Variants in PDSS2 observed in about 807,000 individuals in gnomAD.
The protein encoded by PDSS2 is all trans-polyprenyl-diphosphate synthase PDSS2.
A neutral mutation model predicts 44.5 loss-of-function variants in PDSS2; 31 were observed. That is an observed-to-expected ratio of 0.70 (90% confidence interval 0.52 to 0.94). The LOEUF (loss-of-function observed/expected upper bound fraction) is 0.94, where lower values mean the gene tolerates loss of function less well. PDSS2 is among the 40% of genes least tolerant of loss of function. The pLI is 0.00. For synonymous variants in PDSS2, 157 were observed against 180.3 expected, an observed-to-expected ratio of 0.87 and a Z score of 1.03; for missense variants, 452 against 482.2, an observed-to-expected ratio of 0.94 and a Z score of 0.59.
chr6:107,335,385 C>T (rs571458543), intron 1 of PDSS2, among the ~76,000 whole-genome samples: 81 of 152,140 alleles, frequency 5.3e-4, no homozygotes, highest in Non-Finnish European at 9.9e-4. Flanking sequence ...TTGGTGATGA[C>T]GGTGGTAAAC....
intron 7 of PDSS2, among the ~76,000 whole-genome samples, chr6:107,177,903 C>T (rs1225452387): frequency 6.6e-6 from 1 of 152,140 alleles, no homozygotes; most frequent in East Asian, 1.9e-4. Flanking sequence ...AGAGCATTCA[C>T]ATCATGTAGG....
At chr6:107,245,418 C>CAAAAAAAAA (rs35614951) in intron 4 of PDSS2, 130 bp downstream of exon 4, 3 of 115,912 alleles carry the variant, frequency 2.6e-5, no homozygotes, top group African/African-American at 2.3e-4. Flanking sequence ...AAACACTAAT[C>CAAAAAAAAA]AAAAAAAAAA....
intron 4 of PDSS2, among the ~76,000 whole-genome samples, chr6:107,224,331 T>C (rs1773714940): frequency 1.3e-5 from 2 of 151,362 alleles, no homozygotes; most frequent in African/African-American, 4.9e-5. Flanking sequence ...AAAGGATATA[T>C]CATCCAATTC....
intron 1 of PDSS2, among the ~76,000 whole-genome samples, chr6:107,353,045 C>A (rs1452114254): frequency 6.6e-6 from 1 of 152,140 alleles, no homozygotes; most frequent in Admixed American, 6.5e-5. Context: ...TTACTATTAT[C>A]AGAATTACTA....
At chr6:107,337,897 A>T (rs1031457874) in intron 1 of PDSS2, among the ~76,000 whole-genome samples, 1 of 152,218 alleles carries the variant, frequency 6.6e-6, no homozygotes. Flanking sequence ...TGAAAAGGTC[A>T]GGAAAAGAAG....
chr6:107,176,435 C>CACACACACACAT (rs1771791549), intron 7 of PDSS2, among the ~76,000 whole-genome samples: 1 of 20,460 alleles, frequency 4.9e-5, no homozygotes, highest in Non-Finnish European at 1.2e-4. Flanking sequence ...CACATACACA[C>CACACACACACAT]ACACACACAC....
chr6:107,198,863 G>T (rs2114558087), intron 6 of PDSS2, among the ~76,000 whole-genome samples: 1 of 152,184 alleles, frequency 6.6e-6, no homozygotes, highest in South Asian at 2.1e-4. Flanking sequence ...AGGCATGGTG[G>T]CGCGCACCTG....
At chr6:107,454,445 G>A (rs1278216290) in intron 1 of PDSS2, among the ~76,000 whole-genome samples, 2 of 152,112 alleles carry the variant, frequency 1.3e-5, no homozygotes, top group Non-Finnish European at 2.9e-5. Context: ...AAATCTAGAT[G>A]AACAAGAGTA....
intron 1 of PDSS2, among the ~76,000 whole-genome samples, chr6:107,411,792 C>T (rs935038374): frequency 1.3e-5 from 2 of 151,592 alleles, no homozygotes; most frequent in African/African-American, 4.9e-5. Flanking sequence ...CGGAATTGAG[C>T]ATCTATGGAT....
At chr6:107,291,740 C>T (rs1199936041) in intron 2 of PDSS2, among the ~76,000 whole-genome samples, 12 of 151,178 alleles carry the variant, frequency 7.9e-5, no homozygotes, top group Non-Finnish European at 1.2e-4. Context: ...CAGCTGGGCA[C>T]GGTGGCTCAT....
chr6:107,299,396 T>C (rs978433315), intron 2 of PDSS2, among the ~76,000 whole-genome samples: 1 of 152,254 alleles, frequency 6.6e-6, no homozygotes, highest in Admixed American at 6.5e-5. Context: ...AAAATGTTTT[T>C]AAAAATACAC....
At chr6:107,353,593 G>T (rs1778499127) in intron 1 of PDSS2, among the ~76,000 whole-genome samples, 1 of 151,772 alleles carries the variant, frequency 6.6e-6, no homozygotes, top group Admixed American at 6.6e-5. Context: ...GCCTTCTTTT[G>T]CTTGTTACAT....
chr6:107,224,376 G>C (rs1199870111), intron 4 of PDSS2, among the ~76,000 whole-genome samples: 1 of 151,368 alleles, frequency 6.6e-6, no homozygotes, highest in Admixed American at 6.6e-5. Context: ...CCACCACTGA[G>C]CTCCTAGGAA....
intron 6 of PDSS2, chr6:107,198,019 A>T: frequency 9.2e-6 from 4 of 435,336 alleles, no homozygotes; most frequent in South Asian, 6.9e-5. Flanking sequence ...AAGAAGAGTG[A>T]ATATAATATT....
intron 1 of PDSS2, among the ~76,000 whole-genome samples, chr6:107,437,914 A>T (rs958128352): frequency 1.3e-5 from 2 of 152,204 alleles, no homozygotes; most frequent in Admixed American, 6.5e-5. Flanking sequence ...AATCATTACT[A>T]ATCACTTTAC....
At chr6:107,436,891 A>G (rs921426323) in intron 1 of PDSS2, among the ~76,000 whole-genome samples, 1 of 152,208 alleles carries the variant, frequency 6.6e-6, no homozygotes, top group Admixed American at 6.5e-5. Flanking sequence ...TTGAAAACAA[A>G]ATTTATTCAA....
intron 1 of PDSS2, among the ~76,000 whole-genome samples, chr6:107,348,078 C>A (rs995521877): frequency 1.3e-5 from 2 of 152,158 alleles, no homozygotes; most frequent in Non-Finnish European, 2.9e-5. Context: ...CCCTCCTACA[C>A]CCCAAATAAG....
intron 6 of PDSS2, among the ~76,000 whole-genome samples, chr6:107,198,096 A>T (rs1772631099): frequency 6.6e-6 from 1 of 152,164 alleles, no homozygotes. Flanking sequence ...TTCCCATCCC[A>T]TACTTTGTTT....
chr6:107,348,577 T>C (rs751889531), intron 1 of PDSS2, among the ~76,000 whole-genome samples: 7 of 152,250 alleles, frequency 4.6e-5, no homozygotes, highest in African/African-American at 7.2e-5. Flanking sequence ...CTATGGTTAA[T>C]AGTTTTAAAC....
Sources: allele counts gnomAD v4.1 joint callset (sites outside exome capture counted in the v4.1 genomes callset), GRCh38; gene constraint gnomAD v4.1.1; transcripts MANE v1.5; gene names NCBI Gene and HGNC (gene_info 2026-07-23, HGNC 2026-07-21).